Variants in TIAM2 observed in about 807,000 individuals in gnomAD.
TIAM2 encodes the protein TIAM Rac1 associated GEF 2.
Under a neutral mutation model 152.9 loss-of-function variants are expected in TIAM2, and 80 were observed. The ratio of observed to expected loss-of-function variants is 0.52; its 90% CI spans 0.44 to 0.63. TIAM2 has a LOEUF of 0.63. TIAM2 is among the 30% of genes least tolerant of loss of function. TIAM2 has a pLI of 0.00. For missense variants in TIAM2, 1,965 were observed against 2,120.1 expected (o/e 0.93, Z 1.44); for synonymous variants, 804 against 838.0 (o/e 0.96, Z 0.70).
intron 1 of TIAM2, among the ~76,000 whole-genome samples, chr6:155,065,898 G>A (rs1013583441): frequency 2.0e-5 from 3 of 152,152 alleles, no homozygotes; most frequent in African/African-American, 4.8e-5. Flanking sequence ...CTGGGAAGCC[G>A]GTTGTGCTGC....
chr6:155,222,234 G>T (rs529370221), intron 15 of TIAM2, among the ~76,000 whole-genome samples: 1 of 152,034 alleles, frequency 6.6e-6, no homozygotes, highest in South Asian at 2.1e-4. Context: ...GATTACAGGC[G>T]TGAGCCACCA....
intron 16 of TIAM2, 84 bp from the exon 17 acceptor site, chr6:155,243,927 C>G: frequency 2.1e-6 from 2 of 932,832 alleles, no homozygotes; most frequent in South Asian, 2.6e-5. Flanking sequence ...GCCTTGGGAG[C>G]TGCTGCCAGG....
intron 1 of TIAM2, among the ~76,000 whole-genome samples, chr6:155,052,337 A>G (rs1242166293): frequency 2.0e-5 from 3 of 152,200 alleles, no homozygotes; most frequent in African/African-American, 7.2e-5. Context: ...AGGTGGCAAA[A>G]TAATATTTCA....
chr6:155,157,845 T>A (rs536875135), intron 7 of TIAM2, among the ~76,000 whole-genome samples: 1 of 152,366 alleles, frequency 6.6e-6, no homozygotes, highest in Non-Finnish European at 1.5e-5. Flanking sequence ...ATCCTTGATT[T>A]ACTTGTTTTT....
chr6:155,220,483 T>G (rs1011434522), intron 15 of TIAM2, among the ~76,000 whole-genome samples: 2 of 152,184 alleles, frequency 1.3e-5, no homozygotes, highest in African/African-American at 4.8e-5. Flanking sequence ...CCACCAGTGC[T>G]TGTGTCTCCT....
chr6:155,217,807 T>C (rs1354355900), intron 15 of TIAM2, among the ~76,000 whole-genome samples: 7 of 152,222 alleles, frequency 4.6e-5, no homozygotes, highest in Non-Finnish European at 8.8e-5. Context: ...ATATAATTGA[T>C]ATATTTTGTC....
Position 155,129,265 on chromosome 6 carries a change from A to G in TIAM2, c.42A>G (p.Lys14=). 6.2e-7 allele frequency: 1 copy of G among 1,614,218 alleles called. No homozygotes were observed. The highest frequency in any genetic ancestry group is 1.1e-5 in the South Asian group (1 of 91,084). Residue 14 remains lysine (K), a synonymous_variant, in exon 4 of 27, where the codon AAA becomes AAG. Transcript: ENST00000682666. The surrounding 1 kb of genome is among the most constrained non-coding windows in gnomAD (Gnocchi z 4.8). ...GTCAGTACACCCTTCAAGGATCTAA[A>G]AATCATAGCAATACTATTACTGGTG... ...SDSQYTLQGS[K]NHSNTITGAK...
chr6:155,027,584 T>C (rs1427717542), intron 1 of TIAM2, among the ~76,000 whole-genome samples: 1 of 94,400 alleles, frequency 1.1e-5, no homozygotes, highest in African/African-American at 4.3e-5. Flanking sequence ...ATATATGTAC[T>C]GTGTTACATA....
chr6:155,100,773 G>A (rs1433390715), intron 2 of TIAM2, among the ~76,000 whole-genome samples: 3 of 152,092 alleles, frequency 2.0e-5, no homozygotes, highest in Non-Finnish European at 4.4e-5. Context: ...AGCTTGGGAG[G>A]CAGACAAAAT....
chr6:155,058,355 C>T (rs376163691), intron 1 of TIAM2, among the ~76,000 whole-genome samples: 2 of 152,080 alleles, frequency 1.3e-5, no homozygotes, highest in African/African-American at 4.8e-5. Flanking sequence ...GGTTAGTTCC[C>T]CAGATGATTT....
intron 1 of TIAM2, among the ~76,000 whole-genome samples, chr6:155,083,355 A>AG (rs1721953650): frequency 1.3e-5 from 2 of 150,156 alleles, no homozygotes. Flanking sequence ...TCTCAAAAAA[A>AG]AAAAAAAAAA....
chr6:155,155,019 G>T (rs2115079501), intron 7 of TIAM2, among the ~76,000 whole-genome samples: 1 of 152,330 alleles, frequency 6.6e-6, no homozygotes, highest in South Asian at 2.1e-4. Flanking sequence ...AACCACTGGA[G>T]TGTAGCATAT....
intron 1 of TIAM2, among the ~76,000 whole-genome samples, chr6:155,053,935 TGG>T (rs1348171639): frequency 1.3e-5 from 2 of 152,086 alleles, no homozygotes; most frequent in African/African-American, 4.8e-5. Flanking sequence ...CCCAGCACTT[TGG>T]GAGGCTGAGG....
At position 155,189,026 on chromosome 6, in the gene TIAM2, C is replaced by T. The variant is rs531512929; in HGVS notation, c.3064+5526C>T. ...TCTTTTTTTAAATCGCTGTGAGTAG[C>T]GTTGAGTCTCAAGCTACCAGAAGCC... On this transcript the variant is annotated intron_variant, in intron 14 of 26. Transcript: ENST00000682666. 3.9e-5 allele frequency among the ~76,000 whole-genome samples: 6 copies of T among 152,218 alleles called. No individual in the cohort carries two copies. In the South Asian group the frequency reaches 1.0e-3, roughly 26 times the overall value.
In TIAM2 at chr6:155,174,393, T is replaced by A. The variant is rs1780711094; in HGVS notation, c.2362-2423T>A. Among the ~76,000 whole-genome samples, 1 of 151,700 alleles carries A rather than the reference T, an allele frequency of 6.6e-6. No homozygotes were observed. The highest frequency in any genetic ancestry group is 1.5e-5 in the Non-Finnish European group (1 of 67,880). ...ATGCAGTCTTTTTTTTTTTTTGAGA[T>A]GGAGCCTCCCTCTGTCGCCCAGGCT... is the stretch of plus-strand genomic sequence containing the variant. On this transcript the variant is annotated intron_variant, in intron 9 of 26. Coordinates refer to ENST00000682666, the MANE Select transcript of TIAM2 (RefSeq NM_012454.4). The surrounding 1 kb of genome is among the most constrained non-coding windows in gnomAD (Gnocchi z 4.2).
intron 21 of TIAM2, chr6:155,250,490 A>C: frequency 6.9e-7 from 1 of 1,440,076 alleles, no homozygotes; most frequent in Non-Finnish European, 9.4e-7. Context: ...AGGACTGGAG[A>C]TCAGTCCTTC....
intron 2 of TIAM2, among the ~76,000 whole-genome samples, chr6:155,093,820 TTATCTGCTTTCCTAGGCCAAGTTGGTTG>T (rs1162039033): frequency 4.6e-5 from 7 of 152,204 alleles, no homozygotes; most frequent in Non-Finnish European, 1.0e-4. Flanking sequence ...TCATGCCTGA[TTATCTGCTTTCCTAGGCCAAGTTGGTTG>T]TATGCCCCCA....
intron 9 of TIAM2, chr6:155,168,972 A>T: frequency 1.4e-6 from 2 of 1,408,268 alleles, no homozygotes; most frequent in South Asian, 1.3e-5. Context: ...CACAAATGCT[A>T]ACTTTTTCTG....
chr6:155,172,661 TATATATATATATATATATA>T (rs1691386450), intron 9 of TIAM2, among the ~76,000 whole-genome samples: 2 of 8,300 alleles, frequency 2.4e-4, no homozygotes, highest in African/African-American at 7.0e-4. Context: ...TATATATATA[TATATATATATATATATATA>T]TATATATTTT....
Sources: allele counts gnomAD v4.1 joint callset (sites outside exome capture counted in the v4.1 genomes callset), GRCh38; gene constraint gnomAD v4.1.1; non-coding constraint Gnocchi (gnomAD v3.1); transcripts MANE v1.5; gene names NCBI Gene and HGNC (gene_info 2026-07-23, HGNC 2026-07-21).